The following LAMA2 variants were observed in gnomAD, a reference collection of about 807,000 sequenced individuals.
LAMA2 encodes laminin subunit alpha 2, also known as laminin subunit alpha-2.
Under a neutral mutation model 364.8 loss-of-function variants are expected in LAMA2, and 269 were observed. That is an observed-to-expected ratio of 0.74 (90% CI 0.67 to 0.82). The LOEUF is 0.82. Ranked by LOEUF, LAMA2 falls within the 40% of genes least tolerant of loss-of-function variation. The probability of loss-of-function intolerance (pLI) is 0.00; values close to 1 mark genes in which losing one functional copy is unlikely to be tolerated. For synonymous variants in LAMA2, 1,379 were observed against 1,370.6 expected (o/e 1.01, Z -0.14); for missense variants, 3,807 against 3,873.2 (o/e 0.98, Z 0.45).
Position 128,910,886 on chromosome 6 carries a change from G to A in LAMA2, c.112+27529G>A, listed in dbSNP as rs556142498. Among the ~76,000 whole-genome samples the A allele has an allele frequency of 8.2e-3, 1,242 of 151,146 alleles. 15 individuals are homozygous for A. The highest frequency in any genetic ancestry group is 0.017 in the Middle Eastern group (5 of 292). The stretch of plus-strand genomic sequence containing the variant: ...GACCCTCAACTGCAGGTCTGTTGGA[G>A]TACCCTGCCATGTGAGGTGTCAGTG... On this transcript the variant is annotated intron_variant, in intron 1 of 64. Transcript: ENST00000421865.
At chr6:129,282,602 T>A (rs1332995476) in intron 18 of LAMA2, among the ~76,000 whole-genome samples, 1 of 152,162 alleles carries the variant, frequency 6.6e-6, no homozygotes, top group Admixed American at 6.6e-5. Flanking sequence ...CAGCCAGTAC[T>A]GAGTATTTCA....
chr6:129,244,670 C>T (rs1177413707), intron 12 of LAMA2, among the ~76,000 whole-genome samples: 1 of 152,012 alleles, frequency 6.6e-6, no homozygotes, highest in Non-Finnish European at 1.5e-5. Flanking sequence ...GAAACATTAT[C>T]CTCAATAGGT....
chr6:129,171,083 G>A (rs905193114), intron 9 of LAMA2, among the ~76,000 whole-genome samples: 10 of 152,012 alleles, frequency 6.6e-5, no homozygotes, highest in African/African-American at 2.2e-4. Context: ...CACATGAGAT[G>A]GGTTTCCTGA....
intron 1 of LAMA2, among the ~76,000 whole-genome samples, chr6:129,022,245 G>A (rs935472741): frequency 2.0e-5 from 3 of 152,132 alleles, no homozygotes; most frequent in Admixed American, 2.0e-4. Context: ...CTTTCAAGAG[G>A]CTTTAAGATA....
At chr6:129,197,224 C>G (rs1468817990) in intron 12 of LAMA2, among the ~76,000 whole-genome samples, 1 of 152,156 alleles carries the variant, frequency 6.6e-6, no homozygotes, top group Admixed American at 6.5e-5. Context: ...GGGAAATTTG[C>G]ATTCTATAGA....
chr6:128,896,462 A>T (rs867942249), intron 1 of LAMA2, among the ~76,000 whole-genome samples: 1 of 150,560 alleles, frequency 6.6e-6, no homozygotes, highest in Non-Finnish European at 1.5e-5. Flanking sequence ...GAGTTAATTG[A>T]TGTGTCCCAT....
chr6:129,202,354 A>G (rs1391017861), intron 12 of LAMA2, among the ~76,000 whole-genome samples: 1 of 152,128 alleles, frequency 6.6e-6, no homozygotes, highest in Non-Finnish European at 1.5e-5. Flanking sequence ...GATAGTATTT[A>G]GAGGTGGGGC....
chr6:129,443,022 TA>T, intron 43 of LAMA2, 40 bp from the exon 44 acceptor site: 1 of 1,495,574 alleles, frequency 6.7e-7, no homozygotes, highest in Non-Finnish European at 9.3e-7. Flanking sequence ...CATGAATTTA[TA>T]ATTTTTTTTT....
intron 11 of LAMA2, among the ~76,000 whole-genome samples, chr6:129,190,546 G>C (rs1781467570): frequency 6.6e-6 from 1 of 152,110 alleles, no homozygotes; most frequent in Admixed American, 6.6e-5. Flanking sequence ...GTGTAGACTG[G>C]AATTTCTTAG....
At chr6:129,354,770 G>A (rs548265936) in intron 32 of LAMA2, among the ~76,000 whole-genome samples, 2 of 152,246 alleles carry the variant, frequency 1.3e-5, no homozygotes, top group East Asian at 3.9e-4. Flanking sequence ...TTCTTTTAAA[G>A]AGAATTGGCA....
chr6:129,043,365 A>G (rs867007763), intron 1 of LAMA2, among the ~76,000 whole-genome samples: 2 of 152,212 alleles, frequency 1.3e-5, no homozygotes, highest in Non-Finnish European at 2.9e-5. Context: ...GAAAAAGTCT[A>G]TTGACATCAA....
At chr6:128,936,345 C>A (rs1366303103) in intron 1 of LAMA2, among the ~76,000 whole-genome samples, 1 of 152,120 alleles carries the variant, frequency 6.6e-6, no homozygotes, top group Admixed American at 6.6e-5. Context: ...TGTTCAGATA[C>A]ATTTTTCTAT....
At chr6:129,501,989 T>C (rs1785679640) in intron 58 of LAMA2, among the ~76,000 whole-genome samples, 1 of 152,158 alleles carries the variant, frequency 6.6e-6, no homozygotes, top group Non-Finnish European at 1.5e-5. Flanking sequence ...CATTAAACCA[T>C]GTGACTGCAC....
intron 34 of LAMA2, among the ~76,000 whole-genome samples, chr6:129,377,834 A>G (rs1778461329): frequency 6.6e-6 from 1 of 152,228 alleles, no homozygotes; most frequent in Admixed American, 6.5e-5. Context: ...TAAGAGGCAC[A>G]GTAGAACTGC....
chr6:128,940,677 C>G (rs148293106), intron 1 of LAMA2, among the ~76,000 whole-genome samples: 3 of 152,096 alleles, frequency 2.0e-5, no homozygotes, highest in Non-Finnish European at 4.4e-5. Flanking sequence ...TAAAGCTGGA[C>G]GTGGTAGCTC....
intron 12 of LAMA2, 110 bp downstream of exon 12, chr6:129,192,963 G>T: frequency 8.7e-7 from 1 of 1,150,472 alleles, no homozygotes. Flanking sequence ...ACACTGAATT[G>T]GATTGCCAGA....
intron 4 of LAMA2, among the ~76,000 whole-genome samples, chr6:129,119,931 G>A (rs1056556869): frequency 2.6e-5 from 4 of 152,270 alleles, no homozygotes; most frequent in South Asian, 4.1e-4. Flanking sequence ...AGTTTCCATT[G>A]TTTTAATTAT....
At chr6:129,430,129 C>T (rs1233147695) in intron 41 of LAMA2, among the ~76,000 whole-genome samples, 1 of 152,098 alleles carries the variant, frequency 6.6e-6, no homozygotes, top group Non-Finnish European at 1.5e-5. Context: ...TGGCCAATTA[C>T]GGAGGTTATA....
chr6:129,190,868 C>T (rs67480579), intron 11 of LAMA2, among the ~76,000 whole-genome samples: 21,361 of 152,180 alleles, frequency 0.14, 2,482 homozygotes, highest in African/African-American at 0.32. Flanking sequence ...ATTACTTAAA[C>T]TATTTAATAG....
Sources: allele counts gnomAD v4.1 joint callset (sites outside exome capture counted in the v4.1 genomes callset), GRCh38; gene constraint gnomAD v4.1.1; transcripts MANE v1.5; gene names NCBI Gene and HGNC (gene_info 2026-07-23, HGNC 2026-07-21).